The following CACNA1E variants were observed in gnomAD, a reference collection of about 807,000 sequenced individuals.
The protein encoded by CACNA1E is voltage-dependent R-type calcium channel subunit alpha-1E.
In CACNA1E, 40 loss-of-function variants were observed where a neutral mutation model predicts 259.2. The ratio of observed to expected loss-of-function variants is 0.15; its 90% CI spans 0.12 to 0.20. The LOEUF (loss-of-function observed/expected upper bound fraction) is 0.20. Ranked by LOEUF, CACNA1E falls within the 10% of genes least tolerant of loss-of-function variation. The pLI is 1.00. For missense variants in CACNA1E, 1,874 were observed against 3,040.1 expected (o/e 0.62, Z 9.02); for synonymous variants, 1,104 against 1,138.5 (o/e 0.97, Z 0.61).
chr1:181,561,542 AG>A (rs1416023702), intron 3 of CACNA1E, among the ~76,000 whole-genome samples: 1 of 152,132 alleles, frequency 6.6e-6, no homozygotes, highest in Non-Finnish European at 1.5e-5. Flanking sequence ...TGGGAAGAGG[AG>A]TCTACAGCCT....
rs558002615 is a variant in CACNA1E, at chr1:181,707,905, G to A, written c.1056-3049G>A. ...GCTCACATAGAAGGAGAGACATACAGCTGACCATAGTAAAGGTCTGACTGC... is the reference window on the plus strand; with the variant it reads ...GCTCACATAGAAGGAGAGACATACAACTGACCATAGTAAAGGTCTGACTGC... On this transcript the variant is annotated intron_variant, in intron 7 of 47. Transcript: ENST00000367573. 1.4e-4 allele frequency among the ~76,000 whole-genome samples: 21 copies of A among 152,318 alleles called. 1 individual carries two copies. In the South Asian group the frequency reaches 1.9e-3, roughly 14 times the overall value.
At chr1:181,552,255 T>G (rs1302646385) in intron 3 of CACNA1E, among the ~76,000 whole-genome samples, 1 of 152,216 alleles carries the variant, frequency 6.6e-6, no homozygotes, top group Non-Finnish European at 1.5e-5. Context: ...ACAAAGGCTG[T>G]GATTCTCTGT....
chr1:181,737,711 C>G (rs907645749), intron 23 of CACNA1E, 57 bp downstream of exon 23: 4 of 1,576,764 alleles, frequency 2.5e-6, no homozygotes, highest in Non-Finnish European at 3.5e-6. Context: ...TCACCCCATC[C>G]CAGCACTGGA....
chr1:181,388,362 A>G (rs956439003), intron 1 of CACNA1E, among the ~76,000 whole-genome samples: 1 of 152,242 alleles, frequency 6.6e-6, no homozygotes, highest in Admixed American at 6.5e-5. Context: ...ACAGGGATAC[A>G]TTCTGAGAAA....
chr1:181,446,668 T>C (rs1174990977), intron 2 of CACNA1E, among the ~76,000 whole-genome samples: 1 of 152,228 alleles, frequency 6.6e-6, no homozygotes, highest in Non-Finnish European at 1.5e-5. Flanking sequence ...TGCTGTCTGC[T>C]CAATCCCATT....
intron 6 of CACNA1E, among the ~76,000 whole-genome samples, chr1:181,612,338 T>G (rs544733322): frequency 2.6e-5 from 4 of 152,306 alleles, no homozygotes; most frequent in Admixed American, 2.0e-4. Context: ...AATCACAAAT[T>G]GACTTCCCAG....
chr1:181,565,685 GGTGTACATTCTTT>G (rs1558133033), intron 3 of CACNA1E, among the ~76,000 whole-genome samples: 1 of 152,196 alleles, frequency 6.6e-6, no homozygotes, highest in African/African-American at 2.4e-5. Context: ...AAAAACAATA[GGTGTACATTCTTT>G]GTGGGCAGTG....
chr1:181,601,877 C>T (rs537524380), intron 6 of CACNA1E, among the ~76,000 whole-genome samples: 14 of 152,340 alleles, frequency 9.2e-5, no homozygotes, highest in African/African-American at 3.4e-4. Context: ...TGCTCTTCCA[C>T]TCCCTTCTGC....
intron 1 of CACNA1E, among the ~76,000 whole-genome samples, chr1:181,343,703 T>G (rs1459521602): frequency 1.3e-5 from 2 of 152,252 alleles, no homozygotes; most frequent in Non-Finnish European, 2.9e-5. Context: ...GACAGCTTTC[T>G]GACTGGCTAG....
chr1:181,602,168 A>G (rs1653806865), intron 6 of CACNA1E, among the ~76,000 whole-genome samples: 1 of 152,150 alleles, frequency 6.6e-6, no homozygotes, highest in Admixed American at 6.5e-5. Context: ...CACAGTATAT[A>G]CTTTGCCTGT....
intron 3 of CACNA1E, among the ~76,000 whole-genome samples, chr1:181,532,503 A>G (rs563743770): frequency 1.3e-5 from 2 of 152,246 alleles, no homozygotes; most frequent in Non-Finnish European, 2.9e-5. Context: ...GGCCACCTCC[A>G]GGGGCAGAGC....
chr1:181,633,124 C>T (rs1656895563), intron 6 of CACNA1E, among the ~76,000 whole-genome samples: 1 of 152,022 alleles, frequency 6.6e-6, no homozygotes, highest in African/African-American at 2.4e-5. Context: ...AGCCAAAGTT[C>T]AACAGAGGAA....
chr1:181,414,091 T>A (rs1001059148), intron 2 of CACNA1E, among the ~76,000 whole-genome samples: 3 of 152,226 alleles, frequency 2.0e-5, no homozygotes, highest in African/African-American at 7.2e-5. Context: ...TCTGCTCTGT[T>A]TGTGTAGGGC....
At chr1:181,413,330 G>C (rs1044552657) in exon 2 of CACNA1E, 1 of 152,470 alleles carries the variant, frequency 6.6e-6, no homozygotes, top group South Asian at 2.1e-4. Context: ...CGCCTCGGAC[G>C]AGGTGGGCAT....
intron 6 of CACNA1E, among the ~76,000 whole-genome samples, chr1:181,636,831 C>A (rs893336034): frequency 2.0e-5 from 3 of 152,168 alleles, no homozygotes; most frequent in Non-Finnish European, 4.4e-5. Context: ...CCAGTCTTTC[C>A]ATCTAGAGAA....
rs1380381010 is a variant in CACNA1E, at chr1:181,798,411, C to A, written c.6519C>A (p.Ser2173Arg). The A allele has an allele frequency of 6.2e-7, 1 of 1,613,694 alleles. No homozygotes were observed. Among genetic ancestry groups the A allele is most frequent in the Admixed American group, 1.7e-5 (1 of 60,028 alleles). The stretch of plus-strand genomic sequence containing the variant: ...AGCCCCGGCCCCTCCTTTCCTACAG[C>A]TCCCTGATTCGACACGCGGGCAGCA... Reference protein sequence around the residue: ...PPKPRPLLSYSSLIRHAGSIS... With the variant: ...PPKPRPLLSYRSLIRHAGSIS... Residue 2173 changes from serine (S) to arginine (R), a missense_variant, in exon 48 of 48, where the codon AGC (serine) becomes AGA (arginine). Physicochemically the swap from Ser to Arg is moderately radical, Grantham distance 110. Transcript: ENST00000367573. This position sits in a 1 kb window ranked among gnomAD's most constrained non-coding sequence, Gnocchi z 4.2.
At chr1:181,349,397 G>C (rs1652858051) in intron 1 of CACNA1E, among the ~76,000 whole-genome samples, 2 of 152,230 alleles carry the variant, frequency 1.3e-5, no homozygotes, top group South Asian at 4.1e-4. Context: ...GGGAAGAACA[G>C]CCCTGCCCCA....
At chr1:181,576,593 TAAACA>T (rs1651002305) in intron 3 of CACNA1E, among the ~76,000 whole-genome samples, 1 of 152,160 alleles carries the variant, frequency 6.6e-6, no homozygotes, top group South Asian at 2.1e-4. Context: ...CCATCAGAAA[TAAACA>T]AAACAAGCCA....
At chr1:181,374,933 G>A (rs977693092) in intron 1 of CACNA1E, among the ~76,000 whole-genome samples, 15 of 152,056 alleles carry the variant, frequency 9.9e-5, no homozygotes, top group African/African-American at 3.4e-4. Flanking sequence ...TATAATTTTT[G>A]TATTTCTACA....
Sources: gnomAD v4.1 joint callset for allele counts (sites outside exome capture counted in the v4.1 genomes callset) on GRCh38, gnomAD v4.1.1 for gene constraint, Gnocchi (gnomAD v3.1) non-coding constraint, MANE v1.5 for transcripts, NCBI Gene and HGNC (gene_info 2026-07-23, HGNC 2026-07-21) for gene names.